Variants in TENM3 observed in about 807,000 individuals in gnomAD.
The protein encoded by TENM3 is teneurin-3.
Under a neutral mutation model 255.1 loss-of-function variants are expected in TENM3, and 63 were observed. That is an observed-to-expected ratio of 0.25 (90% CI 0.20 to 0.30). The LOEUF is 0.30. TENM3 is among the 10% of genes least tolerant of loss of function. The probability of loss-of-function intolerance (pLI) is 1.00; values close to 1 mark genes in which losing one functional copy is unlikely to be tolerated. For missense variants in TENM3, 2,929 were observed against 3,461.1 expected (o/e 0.85, Z 3.86); for synonymous variants, 1,306 against 1,322.3 (o/e 0.99, Z 0.27).
At chr4:181,482,101 A>T in the TENM3 span, among the ~76,000 whole-genome samples, 17 of 152,262 alleles carry the variant, frequency 1.1e-4, no homozygotes, top group South Asian at 2.1e-4. Flanking sequence ...GAATATTTTT[A>T]AAAAATTGTA....
chr4:182,208,768 G>A (rs975103142), intron 1 of TENM3, among the ~76,000 whole-genome samples: 14 of 152,252 alleles, frequency 9.2e-5, no homozygotes, highest in South Asian at 2.1e-4. Flanking sequence ...ATGTCACTGC[G>A]GTGGCCTCTT....
chr4:181,568,934 T>A, the TENM3 span, among the ~76,000 whole-genome samples: 1 of 152,238 alleles, frequency 6.6e-6, no homozygotes, highest in African/African-American at 2.4e-5. Context: ...TTATTGTCTG[T>A]TCTGTTACGT....
At chr4:181,756,041 G>GTGTC in the TENM3 span, among the ~76,000 whole-genome samples, 1 of 152,170 alleles carries the variant, frequency 6.6e-6, no homozygotes, top group Non-Finnish European at 1.5e-5. Context: ...TCCTCAGTGA[G>GTGTC]TGTCTCTGTG....
intron 4 of TENM3, among the ~76,000 whole-genome samples, chr4:182,626,140 G>A (rs928689513): frequency 2.6e-5 from 4 of 152,130 alleles, no homozygotes; most frequent in South Asian, 2.1e-4. Context: ...CAGTGATATC[G>A]CTGGAAAAGC....
the TENM3 span, among the ~76,000 whole-genome samples, chr4:182,111,561 C>T: frequency 7.2e-5 from 11 of 152,150 alleles, no homozygotes; most frequent in Non-Finnish European, 1.5e-5. Flanking sequence ...AAAGATAATA[C>T]ACTGAGACAA....
At chr4:182,707,910 C>T (rs1404350385) in intron 12 of TENM3, 2 of 152,198 alleles carry the variant, frequency 1.3e-5, no homozygotes, top group Non-Finnish European at 2.9e-5. Context: ...GAAGGTGGAA[C>T]TGCCTGGTGG....
the TENM3 span, among the ~76,000 whole-genome samples, chr4:182,025,098 G>A: frequency 1.4e-5 from 2 of 145,144 alleles, no homozygotes; most frequent in African/African-American, 2.6e-5. Context: ...GCGCGACCTC[G>A]GCTCACTGCA....
intron 5 of TENM3, among the ~76,000 whole-genome samples, chr4:182,631,858 C>T (rs528057740): frequency 3.5e-4 from 53 of 152,086 alleles, no homozygotes; most frequent in Non-Finnish European, 5.7e-4. Flanking sequence ...TGAGAACTTA[C>T]GACAATGTAG....
intron 3 of TENM3, among the ~76,000 whole-genome samples, chr4:182,371,909 C>T (rs1766844854): frequency 1.3e-5 from 2 of 151,640 alleles, no homozygotes; most frequent in Admixed American, 6.6e-5. Flanking sequence ...AAAGTCGATG[C>T]AACTTTAAAG....
the TENM3 span, among the ~76,000 whole-genome samples, chr4:181,519,230 A>T: frequency 6.6e-6 from 1 of 152,194 alleles, no homozygotes; most frequent in Non-Finnish European, 1.5e-5. Flanking sequence ...TAAGGCAAAA[A>T]AATAAAAGAA....
the TENM3 span, among the ~76,000 whole-genome samples, chr4:181,786,818 G>A: frequency 3.3e-5 from 5 of 152,136 alleles, no homozygotes; most frequent in South Asian, 1.0e-3. Context: ...CCTGAAGAAG[G>A]TTCTGCGGCC....
At chr4:181,883,491 G>A in the TENM3 span, among the ~76,000 whole-genome samples, 1 of 152,200 alleles carries the variant, frequency 6.6e-6, no homozygotes, top group South Asian at 2.1e-4. Flanking sequence ...TTGTTGTTGA[G>A]GCGGAGTCTC....
the TENM3 span, among the ~76,000 whole-genome samples, chr4:181,768,577 AGAGT>A: frequency 5.3e-4 from 80 of 152,178 alleles, no homozygotes; most frequent in African/African-American, 1.9e-3. Context: ...CCTTTATCAC[AGAGT>A]TTTAGTTTTT....
chr4:182,026,447 C>A, the TENM3 span, among the ~76,000 whole-genome samples: 5 of 152,144 alleles, frequency 3.3e-5, no homozygotes, highest in Non-Finnish European at 7.3e-5. Context: ...CTTTGCTGTA[C>A]AAAAGCTTTT....
chr4:182,075,052 C>T, the TENM3 span, among the ~76,000 whole-genome samples: 1 of 152,102 alleles, frequency 6.6e-6, no homozygotes, highest in East Asian at 1.9e-4. Context: ...CTGATGGGGC[C>T]AACTCCACAC....
intron 2 of TENM3, among the ~76,000 whole-genome samples, chr4:182,328,346 G>C (rs1040048359): frequency 1.3e-5 from 2 of 152,060 alleles, no homozygotes; most frequent in Non-Finnish European, 2.9e-5. Flanking sequence ...TTCCCGAGTA[G>C]CTGGAATTAT....
At position 182,378,040 on chromosome 4, in the gene TENM3, G is replaced by C. The variant is rs199588540; in HGVS notation, c.511+31111G>C. On this transcript the variant is annotated intron_variant, in intron 3 of 27. Transcript: ENST00000511685. Reference sequence around the variant, plus strand: ...CTAGGTCATGTGGAGGATACGGAGGGAAGGCAGTTCGCTTGCAAGGACTGC... The same window carrying C: ...CTAGGTCATGTGGAGGATACGGAGGCAAGGCAGTTCGCTTGCAAGGACTGC... 8.5e-5 allele frequency among the ~76,000 whole-genome samples: 13 copies of C among 152,266 alleles called. No homozygotes were observed. The East Asian group carries it at 2.5e-3, about 30-fold the overall frequency.
intron 3 of TENM3, 55 bp from the exon 4 acceptor site, chr4:182,600,861 GTATATACA>G: frequency 2.6e-6 from 2 of 773,428 alleles, no homozygotes; most frequent in Non-Finnish European, 3.7e-6. Flanking sequence ...TTGGTAGTGT[GTATATACA>G]TATATATATA....
At chr4:182,387,030 G>A (rs4373199) in intron 3 of TENM3, among the ~76,000 whole-genome samples, 4,882 of 152,308 alleles carry the variant, frequency 0.032, 262 homozygotes, top group African/African-American at 0.11. Flanking sequence ...TGGTAGGGAC[G>A]TGGAGAGTCT....
Sources: gnomAD v4.1 joint callset for allele counts (sites outside exome capture counted in the v4.1 genomes callset) on GRCh38, gnomAD v4.1.1 for gene constraint, MANE v1.5 for transcripts, NCBI Gene and HGNC (gene_info 2026-07-23, HGNC 2026-07-21) for gene names.